RNF213: variants seen among roughly 807,000 people sequenced by gnomAD.
The protein encoded by RNF213 is E3 ubiquitin-protein ligase RNF213.
A neutral mutation model predicts 514.4 loss-of-function variants in RNF213; 341 were observed. That is an observed-to-expected ratio of 0.66 (90% CI 0.61 to 0.73). The LOEUF (loss-of-function observed/expected upper bound fraction) is 0.73. Among genes scored for constraint, RNF213 ranks in the 30% least tolerant of loss-of-function variants. RNF213 has a pLI of 0.00. For missense variants in RNF213, 5,767 were observed against 6,615.6 expected (o/e 0.87, Z 4.45); for synonymous variants, 2,655 against 2,658.2 (o/e 1.00, Z 0.04).
In RNF213 at chr17:80,337,096, G is replaced by T. The variant is rs140818199; in HGVS notation, c.4528-490G>T. ...TCTTCATTTTTCTGCTAGAAAGTCA[G>T]CAGAGTTTCCAAACAAAACCCTCTG... On this transcript the variant is annotated intron_variant, in intron 23 of 67. Coordinates refer to ENST00000582970, the MANE Select transcript of RNF213 (RefSeq NM_001256071.3). Among the ~76,000 whole-genome samples the T allele has an allele frequency of 4.9e-3, 752 of 152,240 alleles. 4 individuals are homozygous for T. Among genetic ancestry groups the T allele is most frequent in the African/African-American group, 0.017 (705 of 41,542 alleles).
intron 13 of RNF213, 56 bp from the exon 14 acceptor site, chr17:80,308,937 AGGAGCTAGTCATCAATGGTAACCAT>A (rs2045468021): frequency 1.3e-6 from 2 of 1,538,268 alleles, no homozygotes; most frequent in Admixed American, 3.3e-5. Flanking sequence ...TTTTGAAGGA[AGGAGCTAGTCATCAATGGTAACCAT>A]TTTCTGGCTT....
chr17:80,373,310 A>C, intron 49 of RNF213, 145 bp downstream of exon 49: 3 of 503,916 alleles, frequency 6.0e-6, no homozygotes, highest in South Asian at 1.9e-5. Flanking sequence ...TCATACCCCC[A>C]CACCTCACCC....
intron 2 of RNF213, among the ~76,000 whole-genome samples, chr17:80,268,903 C>T (rs2145110857): frequency 6.6e-6 from 1 of 152,252 alleles, no homozygotes; most frequent in South Asian, 2.1e-4. Flanking sequence ...CCAGTAGTTG[C>T]TCAGTCTGAG....
intron 63 of RNF213, 74 bp downstream of exon 63, chr17:80,386,965 G>C: frequency 7.0e-7 from 1 of 1,423,340 alleles, no homozygotes; most frequent in South Asian, 1.2e-5. Flanking sequence ...TGTGTTTCTC[G>C]AGAGAGGGAA....
rs150071649 is a variant in RNF213, at chr17:80,288,070, C to G, written c.517C>G (p.Pro173Ala). The G allele has an allele frequency of 6.2e-7, 1 of 1,608,482 alleles. No individual in the cohort carries two copies. The highest frequency in any genetic ancestry group is 1.1e-5 in the South Asian group (1 of 90,768). ...LSAPTEVGDS[P>A]LQAQALGEAG... is the part of the protein sequence containing the mutation. ...CGCGCCCACCGAGGTTGGCGACAGC[C>G]CCCTGCAGGCCCAGGCTTTGGGAGA... The change falls in exon 4 of 68, where the codon CCC (proline) becomes GCC (alanine). Residue 173 changes from proline to alanine, a missense_variant. Coordinates refer to ENST00000582970, the MANE Select transcript of RNF213 (RefSeq NM_001256071.3). This position sits in a 1 kb window ranked among gnomAD's most constrained non-coding sequence, Gnocchi z 4.9.
At chr17:80,383,126 C>G in intron 58 of RNF213, 56 bp downstream of exon 58, 1 of 1,261,992 alleles carries the variant, frequency 7.9e-7, no homozygotes, top group Non-Finnish European at 1.2e-6. Flanking sequence ...GGAAGGGTCC[C>G]GGCGTCTGCT....
intron 26 of RNF213, 46 bp downstream of exon 26, chr17:80,340,402 C>CCCGGGG: frequency 6.6e-7 from 1 of 1,525,486 alleles, no homozygotes; most frequent in Non-Finnish European, 8.8e-7. Context: ...CCAGGGACTG[C>CCCGGGG]CCGGGGCCCT....
chr17:80,340,628 T>G lies in RNF213; in HGVS notation c.5989+272T>G, dbSNP rs568729675. 22 of 420,298 alleles carry G rather than the reference T, an allele frequency of 5.2e-5. No homozygotes were observed. The South Asian group carries it at 6.0e-4, about 11-fold the overall frequency. 26.0% of individuals were successfully genotyped at this position (420,298 alleles called of 1,614,324 possible). On this transcript the variant is annotated intron_variant, in intron 26 of 67. Coordinates refer to ENST00000582970, the MANE Select transcript of RNF213 (RefSeq NM_001256071.3). Reference sequence around the variant, plus strand: ...TTTGTGGTTTTTTTTTTTTTTTTTTTTTTTTTTTTTGAGACAGAGTCTTGC... The same window carrying G: ...TTTGTGGTTTTTTTTTTTTTTTTTTGTTTTTTTTTTGAGACAGAGTCTTGC...
rs376262420 is a variant in RNF213 at position 80,344,685 on chromosome 17, G to T, written c.6350G>T (p.Arg2117Leu). ...AATGTCTCTCCTTTCCAGCGTACAC[G>T]TGTACCCCAGTTCAGTTTTCTTGAC... ...PSRSSSALRT[R>L]VPQFSFLDIF... is the part of the protein sequence containing the mutation. The change falls in exon 29 of 68, where the codon CGT (arginine) becomes CTT (leucine). Residue 2117 changes from arginine (R) to leucine (L), a missense_variant. By Grantham distance (102) the Arg-to-Leu change is moderately radical. Around this residue, in one of 13 missense-constraint regions of RNF213, gnomAD observed 1,377 missense variants for 1,635.2 expected, o/e 0.84. Coordinates refer to ENST00000582970, the MANE Select transcript of RNF213 (RefSeq NM_001256071.3). 1.8e-5 allele frequency: 29 copies of T among 1,613,930 alleles called. No homozygotes were observed. Among genetic ancestry groups the T allele is most frequent in the Non-Finnish European group, 2.5e-5 (29 of 1,180,002 alleles).
chr17:80,388,113 G>A (rs1341148849), intron 63 of RNF213, among the ~76,000 whole-genome samples: 3 of 152,090 alleles, frequency 2.0e-5, no homozygotes, highest in South Asian at 2.1e-4. Flanking sequence ...ACAGGCGCCC[G>A]CCACCATGCC....
In RNF213 at chr17:80,377,084, C is replaced by G. The variant is rs907415061; in HGVS notation, c.13510+121C>G. On this transcript the variant is annotated intron_variant, in intron 53 of 67. Coordinates refer to ENST00000582970, the MANE Select transcript of RNF213 (RefSeq NM_001256071.3). The surrounding 1 kb of genome is among the most constrained non-coding windows in gnomAD (Gnocchi z 4.1). ...TTTGTGCCTCAGGGTCCAAAACCAC[C>G]TGCATTCTACCGGTGGCGTCTGCAG... 6 of 740,468 alleles carry G rather than the reference C, an allele frequency of 8.1e-6. No homozygotes were observed. The African/African-American group carries it at 8.7e-5, about 11-fold the overall frequency. The allele number at this position is 740,468 out of a possible 1,614,324, so 45.9% of individuals were successfully genotyped here.
At position 80,273,418 on chromosome 17, in the gene RNF213, C is replaced by T; in HGVS notation, c.261+14C>T. On this transcript the variant is annotated intron_variant, in intron 3 of 67. Coordinates refer to ENST00000582970, the MANE Select transcript of RNF213 (RefSeq NM_001256071.3). Reference sequence around the variant, plus strand: ...ACCGTCCAAGAAGTGAGTGCACTGCCTCGGCTCCCCTCCGCCCCCGCTCAC... The same window carrying T: ...ACCGTCCAAGAAGTGAGTGCACTGCTTCGGCTCCCCTCCGCCCCCGCTCAC... 6.2e-7 allele frequency: 1 copy of T among 1,611,246 alleles called. No individual in the cohort carries two copies. Among genetic ancestry groups the T allele is most frequent in the Non-Finnish European group, 8.5e-7 (1 of 1,179,712 alleles).
intron 14 of RNF213, among the ~76,000 whole-genome samples, chr17:80,310,645 T>C (rs1450607597): frequency 1.3e-5 from 2 of 152,004 alleles, no homozygotes; most frequent in Non-Finnish European, 2.9e-5. Flanking sequence ...CTCCGCCTCC[T>C]GGGTTCAAGT....
At chr17:80,372,018 T>C (rs1438080283) in intron 47 of RNF213, 33 bp downstream of exon 47, 1 of 1,139,830 alleles carries the variant, frequency 8.8e-7, no homozygotes, top group East Asian at 2.3e-5. Context: ...GAATTTCTTT[T>C]GGAAACTATC....
intron 10 of RNF213, among the ~76,000 whole-genome samples, chr17:80,296,836 C>T (rs980715014): frequency 1.3e-5 from 2 of 152,080 alleles, no homozygotes; most frequent in Non-Finnish European, 2.9e-5. Flanking sequence ...TACACACCAC[C>T]ACTTCCAGCT....
At chr17:80,360,265 G>T in intron 38 of RNF213, 59 bp downstream of exon 38, 1 of 1,570,294 alleles carries the variant, frequency 6.4e-7, no homozygotes, top group South Asian at 1.2e-5. Flanking sequence ...GGGATTGCCT[G>T]ACAGTGAAAA....
chr17:80,278,351 G>T (rs534496333), intron 3 of RNF213, among the ~76,000 whole-genome samples: 1 of 152,242 alleles, frequency 6.6e-6, no homozygotes, highest in African/African-American at 2.4e-5. Context: ...GCCCTGGGGT[G>T]CCCGGGCCTG....
chr17:80,346,480 T>C lies in RNF213; in HGVS notation c.8145T>C (p.Tyr2715=), dbSNP rs377644378. 10 of 1,613,908 alleles carry C rather than the reference T, an allele frequency of 6.2e-6. No homozygotes were observed. Among genetic ancestry groups the C allele is most frequent in the Middle Eastern group, 3.3e-4 (2 of 6,062 alleles). ...TCGCCAGGTTCTTTCCGAAACCGTA[T>C]GACGACAGCAGGCTGCTTCTGGATG... is the stretch of plus-strand genomic sequence containing the variant. The part of the protein sequence containing the change: ...KAIARFFPKP[Y]DDSRLLLDEI... The change falls in exon 29 of 68, where the codon TAT becomes TAC. Residue 2715 remains tyrosine, a synonymous_variant. Transcript: ENST00000582970. This position sits in a 1 kb window ranked among gnomAD's most constrained non-coding sequence, Gnocchi z 8.1.
intron 42 of RNF213, among the ~76,000 whole-genome samples, chr17:80,367,079 G>A (rs2079304752): frequency 6.6e-6 from 1 of 152,210 alleles, no homozygotes; most frequent in Non-Finnish European, 1.5e-5. Context: ...CAGGTAACTG[G>A]TGTCTTTATC....
Sources: gnomAD v4.1 joint callset for allele counts (sites outside exome capture counted in the v4.1 genomes callset) on GRCh38, gnomAD v4.1.1 for gene constraint, gnomAD v4.1.1 regional missense constraint, Gnocchi (gnomAD v3.1) non-coding constraint, MANE v1.5 for transcripts, NCBI Gene and HGNC (gene_info 2026-07-23, HGNC 2026-07-21) for gene names.